The following PCDHA1 variants were observed in gnomAD, a reference collection of about 807,000 sequenced individuals.
PCDHA1 encodes the protein protocadherin alpha-1.
In PCDHA1, 42 loss-of-function variants were observed where a neutral mutation model predicts 61.3. The observed-to-expected ratio is 0.69, with a 90% confidence interval of 0.54 to 0.89. PCDHA1 has a LOEUF of 0.89. Ranked by LOEUF, PCDHA1 falls within the 40% of genes least tolerant of loss-of-function variation. PCDHA1 has a pLI of 0.00. For missense variants in PCDHA1, 1,256 were observed against 1,235.3 expected, an observed-to-expected ratio of 1.02 and a Z score of -0.25; for synonymous variants, 610 against 553.8, an observed-to-expected ratio of 1.10 and a Z score of -1.43.
Position 140,786,819 on chromosome 5 carries a change from T to C in PCDHA1, c.529T>C (p.Tyr177His). ...AACGTACACGCTCAGCCCGAGTGATTATTTCTCTTTGGATGTAGAGGCAAG... is the reference window on the plus strand; with the variant it reads ...AACGTACACGCTCAGCCCGAGTGATCATTTCTCTTTGGATGTAGAGGCAAG... ...LLTYTLSPSD[Y>H]FSLDVEASDE... is the part of the protein sequence containing the mutation. Residue 177 changes from tyrosine to histidine, a missense_variant, in exon 1 of 4, where the codon TAT (tyrosine) becomes CAT (histidine). Physicochemically the swap from Tyr to His is moderately conservative, Grantham distance 83. Transcript: ENST00000504120. The C allele has an allele frequency of 6.2e-7, 1 of 1,614,204 alleles. No individual in the cohort carries two copies.
At chr5:140,962,454 T>A (rs1554226040) in intron 1 of PCDHA1, among the ~76,000 whole-genome samples, 1 of 152,194 alleles carries the variant, frequency 6.6e-6, no homozygotes, top group Non-Finnish European at 1.5e-5. Flanking sequence ...TTGAATCTCT[T>A]ATGGCTTGAA....
At chr5:140,801,768 T>C (rs782500534) in intron 1 of PCDHA1, 3 of 1,613,764 alleles carry the variant, frequency 1.9e-6, no homozygotes, top group East Asian at 2.2e-5. Context: ...GGAAATTAAA[T>C]CCCTTGGACT....
In PCDHA1 at chr5:140,856,229, C is replaced by T. The variant is rs17844338; in HGVS notation, c.2394+67545C>T. On this transcript the variant is annotated intron_variant, in intron 1 of 3. Transcript: ENST00000504120. ...GCTGGAGCTGGCGGAGCTGGTGCAG[C>T]GCCTGTTCCGGGTGGCGTCCAAAAG... 5 of 1,597,818 alleles carry T rather than the reference C, an allele frequency of 3.1e-6. No homozygotes were observed. The South Asian group carries it at 4.4e-5, about 14-fold the overall frequency.
chr5:140,887,649 T>C (rs2061527192), intron 1 of PCDHA1, among the ~76,000 whole-genome samples: 1 of 152,162 alleles, frequency 6.6e-6, no homozygotes, highest in South Asian at 2.1e-4. Context: ...TTTGTTGATA[T>C]TCTTGGATCT....
chr5:140,995,788 T>C (rs1327222255), intron 3 of PCDHA1, among the ~76,000 whole-genome samples: 1 of 152,154 alleles, frequency 6.6e-6, no homozygotes, highest in Non-Finnish European at 1.5e-5. Context: ...GGTTTAAAAT[T>C]TGTCTCATGT....
At chr5:140,860,323 G>A (rs782283348) in intron 1 of PCDHA1, 1 of 152,078 alleles carries the variant, frequency 6.6e-6, no homozygotes, top group African/African-American at 2.4e-5. Context: ...TGAGGCTGCA[G>A]TGACCCATGA....
At chr5:140,999,592 C>T (rs1443096475) in intron 3 of PCDHA1, among the ~76,000 whole-genome samples, 2 of 152,114 alleles carry the variant, frequency 1.3e-5, no homozygotes, top group Non-Finnish European at 2.9e-5. Flanking sequence ...ATTGCCTTCC[C>T]TACATCCTGG....
intron 3 of PCDHA1, among the ~76,000 whole-genome samples, chr5:141,000,385 C>A (rs868983393): frequency 3.1e-5 from 2 of 64,984 alleles, no homozygotes; most frequent in South Asian, 5.2e-4. Flanking sequence ...CTCTCTCTCT[C>A]TCTCTCTCTC....
At chr5:140,906,926 T>C (rs1217312413) in intron 1 of PCDHA1, among the ~76,000 whole-genome samples, 1 of 152,194 alleles carries the variant, frequency 6.6e-6, no homozygotes, top group Non-Finnish European at 1.5e-5. Flanking sequence ...CCAAAAAGTG[T>C]CCCGGTGTCA....
chr5:140,822,274 T>C (rs201640591), intron 1 of PCDHA1: 32 of 1,614,098 alleles, frequency 2.0e-5, no homozygotes, highest in Non-Finnish European at 2.5e-5. Flanking sequence ...AAATGCACAA[T>C]TGAGATACAG....
At chr5:140,958,145 A>G (rs1044763099) in intron 1 of PCDHA1, among the ~76,000 whole-genome samples, 4 of 152,156 alleles carry the variant, frequency 2.6e-5, no homozygotes, top group African/African-American at 4.8e-5. Context: ...GTATATTTAT[A>G]TAGCATAGTC....
chr5:140,968,206 G>A lies in PCDHA1; in HGVS notation c.2395-10743G>A, dbSNP rs782751494. Reference sequence around the variant, plus strand: ...ACTCCTATTCCATCTACATACAGGAGAACAATTTGCCAGGTGTGTTGCTCT... The same window carrying A: ...ACTCCTATTCCATCTACATACAGGAAAACAATTTGCCAGGTGTGTTGCTCT... On this transcript the variant is annotated intron_variant, in intron 1 of 3. Coordinates refer to ENST00000504120, the MANE Select transcript of PCDHA1 (RefSeq NM_018900.4). 170 of 1,613,876 alleles carry A rather than the reference G, an allele frequency of 1.1e-4. 1 individual carries two copies. Among genetic ancestry groups the A allele is most frequent in the Non-Finnish European group, 1.4e-4 (163 of 1,180,042 alleles).
intron 1 of PCDHA1, chr5:140,926,974 G>T (rs145276602): frequency 2.2e-4 from 360 of 1,610,140 alleles, no homozygotes; most frequent in Middle Eastern, 1.2e-3. Context: ...CTCAGTGCCG[G>T]AGGAGACGGA....
chr5:140,877,649 C>T (rs369703340), intron 1 of PCDHA1: 4 of 1,613,556 alleles, frequency 2.5e-6, no homozygotes, highest in Middle Eastern at 1.7e-4. Context: ...TGCTCAGCGC[C>T]GCCCACCGTG....
At position 140,786,367 on chromosome 5, in the gene PCDHA1, T is replaced by TG. The variant is rs1554117358; in HGVS notation, c.81dup (p.Ser28GlufsTer100). On this transcript the variant is annotated frameshift_variant, in exon 1 of 4. Coordinates refer to ENST00000504120, the MANE Select transcript of PCDHA1 (RefSeq NM_018900.4). LOFTEE classifies it high-confidence loss of function. ...CTTCTGCTCCTCGCAGCCTGGGAGG[T>TG]GGGGAGCGGCCAGCTCCACTACTCG... 1.2e-6 allele frequency: 2 copies of TG among 1,613,504 alleles called. No homozygotes were observed. The highest frequency in any genetic ancestry group is 3.3e-5 in the Admixed American group (2 of 59,980).
chr5:140,992,976 AG>A (rs2097535791), intron 3 of PCDHA1, among the ~76,000 whole-genome samples: 3 of 152,240 alleles, frequency 2.0e-5, no homozygotes, highest in Non-Finnish European at 4.4e-5. Flanking sequence ...GACAATGATT[AG>A]GCCATGGGAC....
At chr5:140,802,864 T>C (rs1763048911) in intron 1 of PCDHA1, 2 of 1,613,510 alleles carry the variant, frequency 1.2e-6, no homozygotes, top group African/African-American at 1.3e-5. Context: ...GTGTTCGTGC[T>C]GGACGAGAAC....
chr5:140,827,015 A>T (rs1554130692), intron 1 of PCDHA1, among the ~76,000 whole-genome samples: 1 of 152,218 alleles, frequency 6.6e-6, no homozygotes, highest in African/African-American at 2.4e-5. Context: ...ATGTCATTAA[A>T]AATATGAATT....
chr5:140,824,012 G>T (rs1724453792), intron 1 of PCDHA1: 2 of 1,614,140 alleles, frequency 1.2e-6, no homozygotes, highest in South Asian at 1.1e-5. Flanking sequence ...GCGGTGGGGA[G>T]CTGGTCGTAC....
Sources: allele counts gnomAD v4.1 joint callset (sites outside exome capture counted in the v4.1 genomes callset), GRCh38; gene constraint gnomAD v4.1.1; transcripts MANE v1.5; gene names NCBI Gene and HGNC (gene_info 2026-07-23, HGNC 2026-07-21).